The following NRIP3 variants were observed in gnomAD, a reference collection of about 807,000 sequenced individuals.
NRIP3 encodes nuclear receptor-interacting protein 3.
A neutral mutation model predicts 29.0 loss-of-function variants in NRIP3; 31 were observed. The observed-to-expected ratio is 1.07, with a 90% CI of 0.80 to 1.44. NRIP3 has a LOEUF of 1.44. Among genes scored for constraint, NRIP3 ranks in the 40% most tolerant of loss-of-function variants. NRIP3 has a pLI of 0.00. For missense variants in NRIP3, 314 were observed against 297.9 expected, an observed-to-expected ratio of 1.05 and a Z score of -0.40; for synonymous variants, 131 against 118.3, an observed-to-expected ratio of 1.11 and a Z score of -0.70.
At chr11:8,996,140 C>T (rs1356179725) in intron 1 of NRIP3, among the ~76,000 whole-genome samples, 1 of 152,118 alleles carries the variant, frequency 6.6e-6, no homozygotes, top group Non-Finnish European at 1.5e-5. Context: ...GTTTATATTT[C>T]ACCCCTGCCC....
Position 9,003,913 on chromosome 11 carries a change from G to A in NRIP3, c.23C>T (p.Thr8Ile). The change falls in exon 1 of 7, where the codon ACT (threonine) becomes ATT (isoleucine). Residue 8 changes from threonine to isoleucine, a missense_variant. By Grantham distance (89) the Thr-to-Ile change is moderately conservative. Transcript: ENST00000309166. ...GTCGGTCTCCTTGCGGCCGCCCTCA[G>A]TGAGGAGCCCTGAGTAAAACATCGC... MFYSGLL[T>I]EGGRKETDMR... 5 of 1,518,176 alleles carry A rather than the reference G, an allele frequency of 3.3e-6. No homozygotes were observed. The highest frequency in any genetic ancestry group is 4.4e-6 in the Non-Finnish European group (5 of 1,134,230). 94.0% of individuals were successfully genotyped at this position (1,518,176 alleles called of 1,614,324 possible). A position where few individuals can be genotyped will look rare whatever the true frequency, so the allele number is the denominator to read the frequency against.
At chr11:8,989,551 C>A (rs1374561505) in intron 1 of NRIP3, among the ~76,000 whole-genome samples, 3 of 152,158 alleles carry the variant, frequency 2.0e-5, no homozygotes, top group African/African-American at 4.8e-5. Flanking sequence ...CTCATTGTAA[C>A]CCTAGTGAGA....
Position 8,983,331 on chromosome 11 carries a change from A to G in NRIP3, c.*214T>C, listed in dbSNP as rs74711765. The stretch of plus-strand genomic sequence containing the variant: ...AAAGGTCTATAAGTTAAGTGATCAA[A>G]GTAGTAAAAAACAATGGCCATAACC... On this transcript the variant is annotated 3_prime_UTR_variant, in exon 7 of 7. Coordinates refer to ENST00000309166, the MANE Select transcript of NRIP3 (RefSeq NM_020645.3). The G allele has an allele frequency of 8.9e-3, 5,277 of 591,592 alleles. 232 individuals are homozygous for G. In the African/African-American group the frequency reaches 0.09, roughly 10 times the overall value. 36.6% of individuals were successfully genotyped at this position (591,592 alleles called of 1,614,324 possible).
intron 1 of NRIP3, among the ~76,000 whole-genome samples, chr11:9,002,596 T>TAAAA (rs10701323): frequency 7.7e-4 from 78 of 101,194 alleles, no homozygotes; most frequent in Middle Eastern, 0.011. Context: ...GCTGTTAAAT[T>TAAAA]AAAAAAAAAA....
At chr11:8,986,514 CTTAA>C (rs948428354) in intron 3 of NRIP3, among the ~76,000 whole-genome samples, 3 of 152,182 alleles carry the variant, frequency 2.0e-5, no homozygotes, top group African/African-American at 7.2e-5. Flanking sequence ...TGGATAAATA[CTTAA>C]TTATGAACTT....
chr11:8,993,847 G>A (rs1854653046), intron 1 of NRIP3, among the ~76,000 whole-genome samples: 1 of 150,214 alleles, frequency 6.7e-6, no homozygotes, highest in Admixed American at 6.6e-5. Flanking sequence ...TAGATAGATA[G>A]TGATGAAAAC....
chr11:8,996,275 C>CTTTTTTTTT (rs386373056), intron 1 of NRIP3, among the ~76,000 whole-genome samples: 62 of 82,958 alleles, frequency 7.5e-4, no homozygotes, highest in East Asian at 1.2e-3. Flanking sequence ...CCTTTTTTTC[C>CTTTTTTTTT]TTTTTTTTTT....
At chr11:8,983,846 G>T in intron 6 of NRIP3, 29 bp downstream of exon 6, 2 of 1,568,254 alleles carry the variant, frequency 1.3e-6, no homozygotes, top group South Asian at 2.2e-5. Context: ...AAATGGATGT[G>T]ACTTGATCTG....
chr11:9,001,909 C>T (rs1343313532), intron 1 of NRIP3, among the ~76,000 whole-genome samples: 1 of 152,202 alleles, frequency 6.6e-6, no homozygotes, highest in Admixed American at 6.5e-5. Flanking sequence ...TGATTCAGAG[C>T]CTTACAGTCA....
chr11:8,999,039 G>A (rs1240849412), intron 1 of NRIP3, among the ~76,000 whole-genome samples: 10 of 151,900 alleles, frequency 6.6e-5, no homozygotes, highest in African/African-American at 2.2e-4. Flanking sequence ...TCCTAACCTC[G>A]TGACCTGCCC....
intron 1 of NRIP3, among the ~76,000 whole-genome samples, chr11:9,003,545 C>T (rs1385370955): frequency 6.6e-6 from 1 of 152,214 alleles, no homozygotes; most frequent in Non-Finnish European, 1.5e-5. Flanking sequence ...GGAGGAGGCA[C>T]AGCCGAGGGG....
chr11:8,983,808 C>T (rs955406100), intron 6 of NRIP3, 67 bp downstream of exon 6: 2 of 1,339,466 alleles, frequency 1.5e-6, no homozygotes, highest in Non-Finnish European at 2.1e-6. Flanking sequence ...GTCTGAGAAC[C>T]ACCACCACCC....
intron 1 of NRIP3, among the ~76,000 whole-genome samples, chr11:8,997,686 A>C (rs1854733331): frequency 1.3e-5 from 2 of 152,184 alleles, no homozygotes; most frequent in South Asian, 4.1e-4. Flanking sequence ...ACAGTTCCTC[A>C]ATCTGGCACC....
intron 1 of NRIP3, among the ~76,000 whole-genome samples, chr11:8,989,788 A>G (rs939670408): frequency 1.3e-5 from 2 of 152,224 alleles, no homozygotes; most frequent in East Asian, 1.9e-4. Flanking sequence ...TCTCTCACCA[A>G]TAAGAATGGA....
intron 1 of NRIP3, among the ~76,000 whole-genome samples, chr11:9,000,360 A>G (rs1854772501): frequency 6.6e-6 from 1 of 152,198 alleles, no homozygotes; most frequent in Admixed American, 6.5e-5. Flanking sequence ...ATTTGTGGTG[A>G]TATGGATAGC....
At chr11:8,990,559 G>C (rs529500769) in intron 1 of NRIP3, among the ~76,000 whole-genome samples, 7 of 152,306 alleles carry the variant, frequency 4.6e-5, no homozygotes, top group Non-Finnish European at 7.3e-5. Context: ...GCCGAGGCAG[G>C]CGGATCTCTT....
At chr11:8,991,334 T>A (rs1854598059) in intron 1 of NRIP3, among the ~76,000 whole-genome samples, 1 of 152,200 alleles carries the variant, frequency 6.6e-6, no homozygotes. Flanking sequence ...TCAATATACA[T>A]AATTCTTTTC....
rs145277430 is a variant in NRIP3, at chr11:8,988,204, C to A, written c.253G>T (p.Ala85Ser). Residue 85 changes from alanine to serine, a missense_variant, in exon 2 of 7, where the codon GCC (alanine) becomes TCC (serine). Ala to Ser is a moderately conservative substitution (Grantham distance 99, BLOSUM62 1). Transcript: ENST00000309166. The stretch of plus-strand genomic sequence containing the variant: ...TGATTGAGTTTGTTCGTCTTAGAGG[C>A]CCAAGGGACACGGGGACCGCTTCGG... The part of the protein sequence containing the change: ...KLRSGPRVPW[A>S]SKTNKLNQAK... 1.6e-4 allele frequency: 263 copies of A among 1,614,036 alleles called. 1 individual carries two copies. The highest frequency in any genetic ancestry group is 2.1e-4 in the Non-Finnish European group (248 of 1,180,030).
intron 1 of NRIP3, among the ~76,000 whole-genome samples, chr11:8,995,377 A>C (rs1354540936): frequency 6.6e-6 from 1 of 152,204 alleles, no homozygotes; most frequent in African/African-American, 2.4e-5. Flanking sequence ...TCAGTCATAA[A>C]GGAGGTTTGA....
Sources: allele counts gnomAD v4.1 joint callset (sites outside exome capture counted in the v4.1 genomes callset), GRCh38; gene constraint gnomAD v4.1.1; transcripts MANE v1.5; gene names NCBI Gene and HGNC (gene_info 2026-07-23, HGNC 2026-07-21).